Variants in ZMYM4 observed in about 807,000 individuals in gnomAD.
ZMYM4 encodes the protein zinc finger MYM-type containing 4.
In ZMYM4, 31 loss-of-function variants were observed where a neutral mutation model predicts 183.2. The ratio of observed to expected loss-of-function variants is 0.17; its 90% confidence interval spans 0.13 to 0.23. ZMYM4 has a LOEUF of 0.23. Ranked by LOEUF, ZMYM4 falls within the 10% of genes least tolerant of loss-of-function variation. The pLI is 1.00. For missense variants in ZMYM4, 1,273 were observed against 1,840.3 expected, an observed-to-expected ratio of 0.69 and a Z score of 5.64; for synonymous variants, 592 against 631.2, an observed-to-expected ratio of 0.94 and a Z score of 0.93.
At chr1:35,314,458 T>C (rs1485368003) in intron 1 of ZMYM4, among the ~76,000 whole-genome samples, 1 of 151,538 alleles carries the variant, frequency 6.6e-6, no homozygotes, top group African/African-American at 2.4e-5. Flanking sequence ...CTAATTTTTG[T>C]ATTTTTAGTA....
intron 7 of ZMYM4, among the ~76,000 whole-genome samples, chr1:35,377,239 G>T (rs969495414): frequency 2.0e-5 from 3 of 152,118 alleles, no homozygotes; most frequent in African/African-American, 7.2e-5. Context: ...TAAGGGTTTC[G>T]TTAATGTCTG....
Position 35,268,954 on chromosome 1 carries a change from C to A in ZMYM4, c.-93C>A. 7.6e-7 allele frequency: 1 copy of A among 1,311,794 alleles called. No individual in the cohort carries two copies. The highest frequency in any genetic ancestry group is 3.1e-5 in the East Asian group (1 of 31,794). 81.3% of individuals were successfully genotyped at this position (1,311,794 alleles called of 1,614,324 possible). ...CGGGTCCGGGGAAGCTGCCGCGAGG[C>A]GGCCGTGCCTGCAGTGTGGGCGGGG... is the stretch of plus-strand genomic sequence containing the variant. On this transcript the variant is annotated 5_prime_UTR_variant, in exon 1 of 30. Coordinates refer to ENST00000314607, the MANE Select transcript of ZMYM4 (RefSeq NM_005095.3).
chr1:35,384,841 CTTTTTTT>C (rs748891728), intron 9 of ZMYM4, among the ~76,000 whole-genome samples: 6 of 127,408 alleles, frequency 4.7e-5, no homozygotes, highest in South Asian at 2.5e-4. Flanking sequence ...TTTTCTTTTT[CTTTTTTT>C]TTTTTTTTTT....
intron 7 of ZMYM4, among the ~76,000 whole-genome samples, chr1:35,371,465 G>T (rs905284197): frequency 1.3e-5 from 2 of 151,890 alleles, no homozygotes; most frequent in African/African-American, 2.4e-5. Flanking sequence ...GTGTCCATTG[G>T]AATGTTTAAT....
intron 5 of ZMYM4, among the ~76,000 whole-genome samples, chr1:35,369,096 CCGA>C (rs1383747332): frequency 2.0e-5 from 3 of 151,980 alleles, no homozygotes; most frequent in Admixed American, 6.6e-5. Flanking sequence ...GAGTAATGTG[CCGA>C]CAACTCCCCA....
At chr1:35,366,521 T>C (rs922640722) in intron 5 of ZMYM4, among the ~76,000 whole-genome samples, 1 of 152,194 alleles carries the variant, frequency 6.6e-6, no homozygotes, top group Non-Finnish European at 1.5e-5. Context: ...ATTAATAGAA[T>C]TCATGAAAAT....
intron 27 of ZMYM4, 80 bp downstream of exon 27, chr1:35,414,163 T>C: frequency 2.3e-6 from 2 of 875,434 alleles, no homozygotes; most frequent in Non-Finnish European, 3.6e-6. Context: ...TTAAAAAAAT[T>C]GTTCATTTTT....
chr1:35,405,381 C>A lies in ZMYM4; in HGVS notation c.3709C>A (p.Gln1237Lys). The change falls in exon 25 of 30, where the codon CAG becomes AAG. Residue 1237 changes from glutamine (Q) to lysine (K), a missense_variant. Coordinates refer to ENST00000314607, the MANE Select transcript of ZMYM4 (RefSeq NM_005095.3). Reference protein sequence around the residue: ...QGDLKCGGVEQASSSPRSDPL... With the variant: ...QGDLKCGGVEKASSSPRSDPL... ...GTTTCTCTCCTTGTCAGGGGTTGAA[C>A]AGGCCTCATCTAGCCCACGTTCTGA... 6.2e-7 allele frequency: 1 copy of A among 1,607,222 alleles called. No individual in the cohort carries two copies. The highest frequency in any genetic ancestry group is 8.5e-7 in the Non-Finnish European group (1 of 1,178,402).
At chr1:35,313,976 G>T (rs1641921019) in intron 1 of ZMYM4, among the ~76,000 whole-genome samples, 1 of 152,106 alleles carries the variant, frequency 6.6e-6, no homozygotes, top group Non-Finnish European at 1.5e-5. Flanking sequence ...CTTAGTTCCT[G>T]AAAACTCACA....
At chr1:35,307,302 A>G (rs1204190324) in intron 1 of ZMYM4, among the ~76,000 whole-genome samples, 3 of 152,114 alleles carry the variant, frequency 2.0e-5, no homozygotes, top group Non-Finnish European at 2.9e-5. Flanking sequence ...TGGTAGGTTT[A>G]GGTTTTAGTG....
At chr1:35,348,325 A>G (rs1431061337) in intron 2 of ZMYM4, among the ~76,000 whole-genome samples, 1 of 152,250 alleles carries the variant, frequency 6.6e-6, no homozygotes, top group East Asian at 1.9e-4. Context: ...TTTTTGAAAC[A>G]CTGTTAGAAA....
chr1:35,387,050 G>A lies in ZMYM4; in HGVS notation c.1884G>A (p.Leu628=). 6.2e-7 allele frequency: 1 copy of A among 1,614,186 alleles called. No homozygotes were observed. The highest frequency in any genetic ancestry group is 8.5e-7 in the Non-Finnish European group (1 of 1,180,026). ...PTGMNSSVVP[L]SQGQVIVSIP... ...GAATGAATTCTTCAGTAGTGCCCTT[G>A]TCTCAGGGCCAAGTAATTGTAAGCA... Residue 628 remains leucine (L), a synonymous_variant, in exon 12 of 30, where the codon TTG becomes TTA. Transcript: ENST00000314607.
intron 2 of ZMYM4, among the ~76,000 whole-genome samples, chr1:35,353,667 T>C (rs1242085513): frequency 6.6e-6 from 1 of 152,200 alleles, no homozygotes; most frequent in Non-Finnish European, 1.5e-5. Flanking sequence ...TCTCTTGATA[T>C]AAGCTCTGAG....
rs755993549 is a variant in ZMYM4, at chr1:35,359,362, C to G, written c.523C>G (p.Leu175Val). Residue 175 changes from leucine to valine, a missense_variant, in exon 3 of 30, where the codon CTA becomes GTA. Leu to Val is a conservative substitution (Grantham distance 32). This residue lies in a region of ZMYM4 where 384 missense variants were observed against 465.6 expected (regional missense o/e 0.82). Coordinates refer to ENST00000314607, the MANE Select transcript of ZMYM4 (RefSeq NM_005095.3). ...TTCTGGAAAGGAGAAAAATAGAGAC[C>G]TAACTTATGAACGTGAAAAACGGTT... ...TFSGKEKNRDLTYEREKRLDK... is the reference protein window; with the variant it reads ...TFSGKEKNRDVTYEREKRLDK... 21 of 1,605,800 alleles carry G rather than the reference C, an allele frequency of 1.3e-5. No homozygotes were observed. In the South Asian group the frequency reaches 2.1e-4, roughly 16 times the overall value.
rs532762111 is a variant in ZMYM4, at chr1:35,389,923, T to A, written c.2437-25T>A. On this transcript the variant is annotated intron_variant, in intron 14 of 29. Coordinates refer to ENST00000314607, the MANE Select transcript of ZMYM4 (RefSeq NM_005095.3). This position sits in a 1 kb window ranked among gnomAD's most constrained non-coding sequence, Gnocchi z 4.0. ...AGACCACAGATAATTTGTTTCTTACTCCTTGACTACCTTCTTCTTTTTAGA... is the reference window on the plus strand; with the variant it reads ...AGACCACAGATAATTTGTTTCTTACACCTTGACTACCTTCTTCTTTTTAGA... 6.3e-7 allele frequency: 1 copy of A among 1,595,162 alleles called. No individual in the cohort carries two copies. Among genetic ancestry groups the A allele is most frequent in the African/African-American group, 1.3e-5 (1 of 74,538 alleles).
chr1:35,312,694 TTTCTTTCCC>T (rs1259335355), intron 1 of ZMYM4, among the ~76,000 whole-genome samples: 1 of 151,946 alleles, frequency 6.6e-6, no homozygotes, highest in African/African-American at 2.4e-5. Flanking sequence ...CTTTTCTTTC[TTTCTTTCCC>T]TTCTTTCCCT....
intron 1 of ZMYM4, among the ~76,000 whole-genome samples, chr1:35,319,851 A>G (rs1477502692): frequency 6.6e-6 from 1 of 152,160 alleles, no homozygotes; most frequent in Non-Finnish European, 1.5e-5. Context: ...CTTCAGTGGA[A>G]ACTTTGGGAG....
intron 1 of ZMYM4, among the ~76,000 whole-genome samples, chr1:35,312,937 G>A (rs143060444): frequency 0.014 from 2,124 of 152,072 alleles, 31 homozygotes; most frequent in South Asian, 0.038. Flanking sequence ...TCTGTCACCC[G>A]GATTGGAGTG....
chr1:35,395,375 C>CTA (rs3066851), intron 18 of ZMYM4, among the ~76,000 whole-genome samples: 6 of 151,754 alleles, frequency 4.0e-5, no homozygotes, highest in African/African-American at 1.5e-4. Context: ...GCGGGAGGAT[C>CTA]ACTTGAGCCC....
Sources: gnomAD v4.1 joint callset for allele counts (sites outside exome capture counted in the v4.1 genomes callset) on GRCh38, gnomAD v4.1.1 for gene constraint, gnomAD v4.1.1 regional missense constraint, Gnocchi (gnomAD v3.1) non-coding constraint, MANE v1.5 for transcripts, NCBI Gene and HGNC (gene_info 2026-07-23, HGNC 2026-07-21) for gene names.